The following TPM4 variants were observed in gnomAD, a reference collection of about 807,000 sequenced individuals.
The protein encoded by TPM4 is tropomyosin alpha-4 chain.
TPM4 carries 17 observed loss-of-function variants against 35.8 expected under a neutral mutation model. That is an observed-to-expected ratio of 0.47 (90% CI 0.32 to 0.71). The LOEUF (loss-of-function observed/expected upper bound fraction) is 0.71, where lower values mean the gene tolerates loss of function less well. TPM4 is among the 30% of genes least tolerant of loss of function. TPM4 has a pLI of 0.03. For missense variants in TPM4, 240 were observed against 320.9 expected, an observed-to-expected ratio of 0.75 and a Z score of 1.93; for synonymous variants, 120 against 122.9, an observed-to-expected ratio of 0.98 and a Z score of 0.15.
At chr19:16,088,845 GC>G in intron 4 of TPM4, 199 bp from the exon 5 acceptor site, 1 of 1,377,610 alleles carries the variant, frequency 7.3e-7, no homozygotes. Flanking sequence ...CCTCGCCTCT[GC>G]CTGGTATGAT....
rs1461239751 is a variant in TPM4 at position 16,076,600 on chromosome 19, G to A, written c.35G>A (p.Arg12His). ...CTCAACTCCCTGGAGGCGGTGAAACGCAAGATCCAGGCCCTGCAGCAGCAG... is the reference window on the plus strand; with the variant it reads ...CTCAACTCCCTGGAGGCGGTGAAACACAAGATCCAGGCCCTGCAGCAGCAG... ...AGLNSLEAVK[R>H]KIQALQQQAD... is the part of the protein sequence containing the mutation. The change falls in exon 1 of 8, where the codon CGC (arginine) becomes CAC (histidine). Residue 12 changes from arginine to histidine, a missense_variant. Coordinates refer to ENST00000643579, the MANE Select transcript of TPM4 (RefSeq NM_003290.3). 6.8e-7 allele frequency: 1 copy of A among 1,471,162 alleles called. No homozygotes were observed. The highest frequency in any genetic ancestry group is 8.9e-7 in the Non-Finnish European group (1 of 1,118,318). The allele number at this position is 1,471,162 out of a possible 1,614,324, so 91.1% of individuals were successfully genotyped here.
chr19:16,096,483 G>GA (rs2090698886), intron 7 of TPM4, among the ~76,000 whole-genome samples: 1 of 152,256 alleles, frequency 6.6e-6, no homozygotes, highest in Admixed American at 6.5e-5. Context: ...TGTCAAAAAT[G>GA]AGGCTCCCCT....
rs1222123767 is a variant in TPM4 at position 16,102,807 on chromosome 19, C to T, written c.*1461C>T. The T allele has an allele frequency of 1.1e-4, 26 of 230,798 alleles. No individual in the cohort carries two copies. The Admixed American group carries it at 1.4e-3, about 12-fold the overall frequency. The allele number at this position is 230,798 out of a possible 1,614,324, so 14.3% of individuals were successfully genotyped here. Reference sequence around the variant, plus strand: ...ACAATTCCAACTAAAAATCACCCTGCTTCTGGCTTATCTGAATCCCTTACC... The same window carrying T: ...ACAATTCCAACTAAAAATCACCCTGTTTCTGGCTTATCTGAATCCCTTACC... On this transcript the variant is annotated 3_prime_UTR_variant, in exon 8 of 8. Transcript: ENST00000643579.
At chr19:16,071,051 G>C (rs975797577) in intron 2 of TPM4, among the ~76,000 whole-genome samples, 1 of 152,228 alleles carries the variant, frequency 6.6e-6, no homozygotes, top group African/African-American at 2.4e-5. Flanking sequence ...CCTCCAGCCA[G>C]CTGCGTGGCC....
intron 7 of TPM4, among the ~76,000 whole-genome samples, chr19:16,096,525 C>T (rs547458818): frequency 6.6e-6 from 1 of 152,314 alleles, no homozygotes; most frequent in African/African-American, 2.4e-5. Context: ...ATTCAAACAG[C>T]GGCAGTGACA....
chr19:16,067,635 T>G lies in TPM4; in HGVS notation c.11T>G (p.Ile4Ser). The change falls in exon 2 of 3, where the codon ATC (isoleucine) becomes AGC (serine). Residue 4 changes from isoleucine to serine, a missense_variant. Ile to Ser is a moderately radical substitution (Grantham distance 142). Coordinates refer to the TPM4 transcript ENST00000589897. This position sits in a 1 kb window ranked among gnomAD's most constrained non-coding sequence, Gnocchi z 4.1. ...CGCCAGCGCCCAGCCATGGAGGCCA[T>G]CAAGAAGAAAATGCAGATGCTGAAG... 1 of 1,613,468 alleles carries G rather than the reference T, an allele frequency of 6.2e-7. No homozygotes were observed. The highest frequency in any genetic ancestry group is 1.1e-5 in the South Asian group (1 of 91,048).
chr19:16,071,574 AG>A (rs2090357141), upstream of TPM4, among the ~76,000 whole-genome samples: 1 of 152,192 alleles, frequency 6.6e-6, no homozygotes, highest in Admixed American at 6.5e-5. Flanking sequence ...GGAACACGTG[AG>A]GCCTTCTGAA....
intron 2 of TPM4, among the ~76,000 whole-genome samples, chr19:16,085,503 C>T (rs1194532661): frequency 6.6e-6 from 1 of 151,684 alleles, no homozygotes; most frequent in Non-Finnish European, 1.5e-5. Context: ...GAGGACAAGG[C>T]TGCCGTGAGC....
chr19:16,088,540 A>G (rs1466312982), intron 4 of TPM4: 2 of 1,046,594 alleles, frequency 1.9e-6, no homozygotes, highest in Non-Finnish European at 2.3e-6. Context: ...GAATCCCACA[A>G]GCAAGCACCG....
chr19:16,101,223 C>A (rs1226380376), intron 7 of TPM4, 41 bp from the exon 8 acceptor site: 2 of 1,423,872 alleles, frequency 1.4e-6, no homozygotes, highest in Non-Finnish European at 1.9e-6. Context: ...AACAAAGACG[C>A]TTATTAATTT....
At chr19:16,082,546 C>T (rs969311767) in intron 2 of TPM4, among the ~76,000 whole-genome samples, 1 of 152,090 alleles carries the variant, frequency 6.6e-6, no homozygotes, top group African/African-American at 2.4e-5. Flanking sequence ...CTTACGGTAA[C>T]CATGAAAAGA....
At chr19:16,095,299 A>C in intron 7 of TPM4, 3 of 1,034,772 alleles carry the variant, frequency 2.9e-6, no homozygotes, top group Non-Finnish European at 3.5e-6. Context: ...GTACAAAGCT[A>C]TCAGCGAGGA....
At chr19:16,075,971 GGGGGGGACCGCCCCTGCACCTC>G, upstream of TPM4, 1 of 1,527,610 alleles carries the variant, frequency 6.5e-7, no homozygotes, top group South Asian at 1.2e-5. Flanking sequence ...TGTGAATATT[GGGGGGGACCGCCCCTGCACCTC>G]GGGGACGTGA....
chr19:16,090,413 T>C (rs10413672), intron 5 of TPM4, among the ~76,000 whole-genome samples: 75,592 of 151,162 alleles, frequency 0.5, 21,270 homozygotes, highest in East Asian at 0.79. Context: ...CCACCGTGCC[T>C]GGCTAATTTT....
chr19:16,087,461 C>T (rs528159338), intron 3 of TPM4, among the ~76,000 whole-genome samples: 10 of 152,220 alleles, frequency 6.6e-5, no homozygotes, highest in African/African-American at 2.4e-4. Flanking sequence ...CCTGTAAGCC[C>T]AGCTATTTGG....
At chr19:16,088,179 C>T (rs79700591) in intron 4 of TPM4, 82 bp downstream of exon 4, 1 of 1,537,610 alleles carries the variant, frequency 6.5e-7, no homozygotes, top group East Asian at 2.4e-5. Flanking sequence ...TGGGAATTGG[C>T]TCTGACCGGG....
intron 3 of TPM4, 59 bp from the exon 4 acceptor site, chr19:16,087,968 G>A: frequency 6.4e-7 from 1 of 1,562,758 alleles, no homozygotes; most frequent in Non-Finnish European, 8.7e-7. Context: ...GTCTGCAGTG[G>A]ATGGGAGAGG....
upstream of TPM4, among the ~76,000 whole-genome samples, chr19:16,073,958 A>AAAAAC (rs1455511715): frequency 2.2e-4 from 27 of 120,308 alleles, no homozygotes; most frequent in African/African-American, 7.6e-4. Context: ...AAAAAAAAAA[A>AAAAAC]AACGCAAAAA....
intron 7 of TPM4, chr19:16,099,798 T>C (rs1474792641): frequency 2.0e-5 from 3 of 152,116 alleles, no homozygotes; most frequent in Non-Finnish European, 4.4e-5. Flanking sequence ...CTTTTTTCTC[T>C]CTCTCTTTCT....
Sources: allele counts gnomAD v4.1 joint callset (sites outside exome capture counted in the v4.1 genomes callset), GRCh38; gene constraint gnomAD v4.1.1; non-coding constraint Gnocchi (gnomAD v3.1); transcripts MANE v1.5; gene names NCBI Gene and HGNC (gene_info 2026-07-23, HGNC 2026-07-21).